The following SLC14A2 variants were observed in gnomAD, a reference collection of about 807,000 sequenced individuals.
SLC14A2 encodes solute carrier family 14 member 2, also known as urea transporter 2.
SLC14A2 carries 91 observed loss-of-function variants against 104.6 expected under a neutral mutation model. The observed-to-expected ratio is 0.87, with a 90% CI of 0.73 to 1.04. The LOEUF is 1.04. Ranked by LOEUF, SLC14A2 falls within the 50% of genes least tolerant of loss-of-function variation. The pLI is 0.00. For missense variants in SLC14A2, 1,189 were observed against 1,156.0 expected, an observed-to-expected ratio of 1.03 and a Z score of -0.41; for synonymous variants, 476 against 466.4, an observed-to-expected ratio of 1.02 and a Z score of -0.27.
At chr18:45,331,690 CAAAAA>C (rs11348476) in intron 1 of SLC14A2, among the ~76,000 whole-genome samples, 1 of 87,462 alleles carries the variant, frequency 1.1e-5, no homozygotes, top group Non-Finnish European at 2.5e-5. Flanking sequence ...GACTCCGTCT[CAAAAA>C]AAAAAAAAAA....
intron 2 of SLC14A2, among the ~76,000 whole-genome samples, chr18:45,591,966 T>G (rs905695223): frequency 6.6e-6 from 1 of 152,212 alleles, no homozygotes; most frequent in African/African-American, 2.4e-5. Context: ...AGAAGCCTTT[T>G]GATTTTAACC....
intron 1 of SLC14A2, among the ~76,000 whole-genome samples, chr18:45,269,471 G>A (rs186661361): frequency 1.1e-3 from 170 of 151,988 alleles, no homozygotes; most frequent in African/African-American, 3.6e-3. Context: ...CCCATATGAC[G>A]TCTTACCACA....
At chr18:45,677,349 C>A (rs1293062105) in intron 18 of SLC14A2, among the ~76,000 whole-genome samples, 1 of 152,230 alleles carries the variant, frequency 6.6e-6, no homozygotes, top group Non-Finnish European at 1.5e-5. Context: ...CAGAGTCCCA[C>A]TCAGGCCATC....
chr18:45,492,416 T>C (rs1016126546), intron 2 of SLC14A2, among the ~76,000 whole-genome samples: 1 of 152,184 alleles, frequency 6.6e-6, no homozygotes, highest in African/African-American at 2.4e-5. Context: ...GGGAAGCAGG[T>C]ATGCTGTACA....
At chr18:45,303,445 A>G (rs2084987453) in intron 1 of SLC14A2, among the ~76,000 whole-genome samples, 1 of 152,220 alleles carries the variant, frequency 6.6e-6, no homozygotes, top group Admixed American at 6.5e-5. Context: ...TCCTCAGGCC[A>G]TATTCAGTTT....
intron 1 of SLC14A2, among the ~76,000 whole-genome samples, chr18:45,227,644 T>C (rs2084132926): frequency 6.6e-6 from 1 of 152,188 alleles, no homozygotes. Context: ...AGCCTGACTT[T>C]TGGAGAGGCC....
At chr18:45,621,587 T>TC (rs1162459087) in intron 1 of SLC14A2, among the ~76,000 whole-genome samples, 12 of 151,910 alleles carry the variant, frequency 7.9e-5, no homozygotes, top group Admixed American at 3.9e-4. Context: ...AGTCGCTTCC[T>TC]CCCCCCCACC....
intron 2 of SLC14A2, among the ~76,000 whole-genome samples, chr18:45,495,650 C>G (rs1222110886): frequency 6.6e-6 from 1 of 152,124 alleles, no homozygotes; most frequent in Non-Finnish European, 1.5e-5. Context: ...TATGTTAGCC[C>G]CCTTCTTCCC....
At chr18:45,322,591 T>C (rs1259717340) in intron 1 of SLC14A2, among the ~76,000 whole-genome samples, 1 of 152,254 alleles carries the variant, frequency 6.6e-6, no homozygotes, top group African/African-American at 2.4e-5. Flanking sequence ...AAATGTCATT[T>C]CCTGATCTAC....
the SLC14A2 span, among the ~76,000 whole-genome samples, chr18:45,201,530 C>T: frequency 6.8e-6 from 1 of 147,868 alleles, no homozygotes; most frequent in Non-Finnish European, 1.5e-5. Context: ...ATATCTAACA[C>T]CTCCATGTAT....
At chr18:45,428,655 T>C (rs1222115113) in intron 1 of SLC14A2, among the ~76,000 whole-genome samples, 4 of 152,210 alleles carry the variant, frequency 2.6e-5, no homozygotes, top group Non-Finnish European at 2.9e-5. Context: ...GAGGGAACTA[T>C]GTCAAAGTGA....
At chr18:45,213,200 C>A (rs1208144467) in intron 1 of SLC14A2, 1 of 152,134 alleles carries the variant, frequency 6.6e-6, no homozygotes, top group Non-Finnish European at 1.5e-5. Flanking sequence ...CCGTGAGTTG[C>A]CCTGCATCAT....
chr18:45,429,053 A>G (rs2302841), intron 1 of SLC14A2, among the ~76,000 whole-genome samples: 1,765 of 152,290 alleles, frequency 0.012, 64 homozygotes, highest in Admixed American at 0.077. Context: ...CAACGGCAGA[A>G]TTTACTTTTT....
chr18:45,394,036 T>A (rs1455779572), intron 1 of SLC14A2, among the ~76,000 whole-genome samples: 1 of 152,242 alleles, frequency 6.6e-6, no homozygotes, highest in Non-Finnish European at 1.5e-5. Context: ...CATTCAGGTT[T>A]GCCCTCTTAG....
At chr18:45,188,185 G>C in the SLC14A2 span, among the ~76,000 whole-genome samples, 4 of 152,098 alleles carry the variant, frequency 2.6e-5, no homozygotes, top group African/African-American at 4.8e-5. Context: ...GTTAGTGTTG[G>C]TAAACCAAAA....
chr18:45,358,352 G>C (rs183179779), intron 1 of SLC14A2, among the ~76,000 whole-genome samples: 1 of 152,048 alleles, frequency 6.6e-6, no homozygotes, highest in Non-Finnish European at 1.5e-5. Context: ...TTATATTCCC[G>C]CTACTGGGGC....
chr18:45,563,333 T>A (rs547941638), intron 2 of SLC14A2, among the ~76,000 whole-genome samples: 2 of 152,326 alleles, frequency 1.3e-5, no homozygotes, highest in Admixed American at 6.5e-5. Context: ...CTGTAGGAAC[T>A]GGGGGGAACA....
At chr18:45,407,809 T>A (rs1042157462) in intron 1 of SLC14A2, among the ~76,000 whole-genome samples, 15 of 152,140 alleles carry the variant, frequency 9.9e-5, no homozygotes, top group Non-Finnish European at 2.1e-4. Context: ...ACACACAACA[T>A]TTATCAATTA....
chr18:45,231,891 A>G (rs1343446411), intron 1 of SLC14A2, among the ~76,000 whole-genome samples: 2 of 152,200 alleles, frequency 1.3e-5, no homozygotes, highest in Non-Finnish European at 2.9e-5. Flanking sequence ...CAATTCTTCA[A>G]ATAAATAAGT....
Sources: gnomAD v4.1 joint callset for allele counts (sites outside exome capture counted in the v4.1 genomes callset) on GRCh38, gnomAD v4.1.1 for gene constraint, MANE v1.5 for transcripts, NCBI Gene and HGNC (gene_info 2026-07-23, HGNC 2026-07-21) for gene names.